The following GBP7 variants were observed in gnomAD, a reference collection of about 807,000 sequenced individuals.
GBP7 encodes the protein guanylate-binding protein 7.
GBP7 carries 43 observed loss-of-function variants against 61.3 expected under a neutral mutation model. The ratio of observed to expected loss-of-function variants is 0.70; its 90% CI spans 0.55 to 0.91. GBP7 has a LOEUF of 0.91. Ranked by LOEUF, GBP7 falls within the 40% of genes least tolerant of loss-of-function variation. The pLI is 0.00. For missense variants in GBP7, 717 were observed against 740.5 expected (o/e 0.97, Z 0.37); for synonymous variants, 267 against 271.0 (o/e 0.99, Z 0.14).
At chr1:89,137,664 G>A (rs997112326) in intron 9 of GBP7, among the ~76,000 whole-genome samples, 2 of 151,872 alleles carry the variant, frequency 1.3e-5, no homozygotes, top group Middle Eastern at 3.2e-3. Context: ...AATAATAAAA[G>A]CCATCTATGA....
intron 9 of GBP7, among the ~76,000 whole-genome samples, chr1:89,136,101 G>A (rs866136359): frequency 6.6e-6 from 1 of 152,036 alleles, no homozygotes; most frequent in African/African-American, 2.4e-5. Flanking sequence ...TCAATTCAAC[G>A]AGAAGACTTA....
Position 89,133,377 on chromosome 1 carries a change from T to C in GBP7, c.1543A>G (p.Met515Val), listed in dbSNP as rs1681722623. Residue 515 changes from methionine to valine, a missense_variant, in exon 10 of 11, where the codon ATG (methionine) becomes GTG (valine). By Grantham distance (21) the Met-to-Val change is conservative. This residue lies in a region of GBP7 where 312 missense variants were observed against 310.1 expected (regional missense o/e 1.01). Coordinates refer to ENST00000294671, the MANE Select transcript of GBP7 (RefSeq NM_207398.3). ...AAACTTCTCTCTTGAGCCTCCATCA[T>C]TTGCTGCTGTTCCTTCTGTTTTTGT... ...LRQKQKEQQQ[M>V]MEAQERSFQE... 6.2e-7 allele frequency: 1 copy of C among 1,614,130 alleles called. No individual in the cohort carries two copies. The highest frequency in any genetic ancestry group is 8.5e-7 in the Non-Finnish European group (1 of 1,179,998).
At chr1:89,167,932 A>G (rs1647487645) in intron 2 of GBP7, among the ~76,000 whole-genome samples, 1 of 152,256 alleles carries the variant, frequency 6.6e-6, no homozygotes, top group Non-Finnish European at 1.5e-5. Flanking sequence ...AAGGCATGTC[A>G]GAATAATCTT....
At chr1:89,135,973 A>AT (rs1173492183) in intron 9 of GBP7, among the ~76,000 whole-genome samples, 1 of 152,184 alleles carries the variant, frequency 6.6e-6, no homozygotes, top group Non-Finnish European at 1.5e-5. Context: ...AGAAAAATCT[A>AT]TCAAGCAAAT....
chr1:89,142,426 C>G (rs374253391), intron 8 of GBP7, among the ~76,000 whole-genome samples: 3 of 152,198 alleles, frequency 2.0e-5, no homozygotes, highest in South Asian at 4.1e-4. Flanking sequence ...TTATTTTTTA[C>G]TTTTGTAGAG....
chr1:89,164,852 G>A lies in GBP7; in HGVS notation c.197C>T (p.Pro66Leu). The A allele has an allele frequency of 1.2e-6, 2 of 1,613,722 alleles. No individual in the cohort carries two copies. Among genetic ancestry groups the A allele is most frequent in the South Asian group, 1.1e-5 (1 of 91,068 alleles). The change falls in exon 3 of 11, where the codon CCT (proline) becomes CTT (leucine). Residue 66 changes from proline to leucine, a missense_variant. Coordinates refer to ENST00000294671, the MANE Select transcript of GBP7 (RefSeq NM_207398.3). ...TTCAGACTTCACTGTGCAGCCCAGA[G>A]GGAAGCCTTCAAGGGAAGAGGAGAA... Reference protein sequence around the residue: ...NKLAGKNKGFPLGCTVKSETK... With the variant: ...NKLAGKNKGFLLGCTVKSETK...
At chr1:89,133,156 T>TTAA in intron 10 of GBP7, 102 bp downstream of exon 10, 1 of 786,814 alleles carries the variant, frequency 1.3e-6, no homozygotes, top group South Asian at 1.7e-5. Context: ...ATATCTTTTG[T>TTAA]GTTTCCTTCT....
At chr1:89,158,007 T>C (rs1206337179) in intron 3 of GBP7, among the ~76,000 whole-genome samples, 1 of 152,120 alleles carries the variant, frequency 6.6e-6, no homozygotes. Flanking sequence ...AAAAAGTGTA[T>C]CCACCACGAT....
At chr1:89,168,168 T>C (rs905678615) in intron 2 of GBP7, among the ~76,000 whole-genome samples, 3 of 152,234 alleles carry the variant, frequency 2.0e-5, no homozygotes, top group Non-Finnish European at 4.4e-5. Flanking sequence ...TAGAGGCTTC[T>C]AACTTCTCTA....
chr1:89,134,192 A>G (rs1454649658), intron 9 of GBP7, among the ~76,000 whole-genome samples: 1 of 152,198 alleles, frequency 6.6e-6, no homozygotes, highest in Non-Finnish European at 1.5e-5. Flanking sequence ...GAGCTTCAGC[A>G]GATGGGCTCA....
Position 89,141,613 on chromosome 1 carries a change from C to A in GBP7, c.1401G>T (p.Gln467His). The A allele has an allele frequency of 6.2e-7, 1 of 1,613,806 alleles. No homozygotes were observed. Among genetic ancestry groups the A allele is most frequent in the African/African-American group, 1.3e-5 (1 of 74,990 alleles). ...DEVLQSFLQS[Q>H]VVIEESILQS... ...GCAGGATGGATTCCTCTATAACCAC[C>A]TGTGACTGCAGGAAGCTCTGGAGGA... Residue 467 changes from glutamine (Q) to histidine (H), a missense_variant, in exon 9 of 11, where the codon CAG becomes CAT. Physicochemically the swap from Gln to His is conservative, Grantham distance 24. Coordinates refer to ENST00000294671, the MANE Select transcript of GBP7 (RefSeq NM_207398.3).
intron 2 of GBP7, among the ~76,000 whole-genome samples, chr1:89,165,582 T>C (rs1348248897): frequency 6.6e-6 from 1 of 151,546 alleles, no homozygotes; most frequent in Non-Finnish European, 1.5e-5. Context: ...AATGCCCTTA[T>C]AAAAGGCCTT....
intron 6 of GBP7, 113 bp from the exon 7 acceptor site, chr1:89,149,685 TCCCTCC>T: frequency 1.2e-6 from 1 of 814,996 alleles, no homozygotes; most frequent in Non-Finnish European, 1.9e-6. Flanking sequence ...ACATGAATTT[TCCCTCC>T]TTCTCCTTCT....
At chr1:89,159,141 G>A (rs942396047) in intron 3 of GBP7, among the ~76,000 whole-genome samples, 2 of 152,144 alleles carry the variant, frequency 1.3e-5, no homozygotes, top group African/African-American at 4.8e-5. Flanking sequence ...AATGGTGCTG[G>A]GAAAACTGGC....
chr1:89,158,981 G>T (rs901352930), intron 3 of GBP7, among the ~76,000 whole-genome samples: 19 of 152,078 alleles, frequency 1.2e-4, no homozygotes, highest in Non-Finnish European at 2.4e-4. Flanking sequence ...GCTACAGTAA[G>T]CAAAACAGCA....
intron 2 of GBP7, 44 bp from the exon 3 acceptor site, chr1:89,164,902 C>T: frequency 6.2e-7 from 1 of 1,607,406 alleles, no homozygotes; most frequent in Middle Eastern, 1.7e-4. Context: ...CAGCAGAATC[C>T]AGGCAGACAA....
intron 9 of GBP7, among the ~76,000 whole-genome samples, chr1:89,136,926 A>G (rs1681817303): frequency 1.3e-5 from 2 of 152,110 alleles, no homozygotes; most frequent in South Asian, 2.1e-4. Flanking sequence ...AAAGAACAAA[A>G]AAAGAGAAGA....
At chr1:89,150,296 C>G in intron 6 of GBP7, 34 bp downstream of exon 6, 1 of 1,591,518 alleles carries the variant, frequency 6.3e-7, no homozygotes, top group Non-Finnish European at 8.6e-7. Context: ...TACAGTAGGC[C>G]TCAGTAAACA....
At chr1:89,169,830 A>C (rs2100661864) in intron 2 of GBP7, among the ~76,000 whole-genome samples, 1 of 152,366 alleles carries the variant, frequency 6.6e-6, no homozygotes, top group Non-Finnish European at 1.5e-5. Context: ...TCTAAGAATG[A>C]TAGAACAATA....
Sources: gnomAD v4.1 joint callset for allele counts (sites outside exome capture counted in the v4.1 genomes callset) on GRCh38, gnomAD v4.1.1 for gene constraint, gnomAD v4.1.1 regional missense constraint, MANE v1.5 for transcripts, NCBI Gene and HGNC (gene_info 2026-07-23, HGNC 2026-07-21) for gene names.